Variants in BAZ2B observed in about 807,000 individuals in gnomAD.
BAZ2B encodes bromodomain adjacent to zinc finger domain protein 2B.
A neutral mutation model predicts 246.0 loss-of-function variants in BAZ2B; 91 were observed. The ratio of observed to expected loss-of-function variants is 0.37; its 90% CI spans 0.31 to 0.44. The LOEUF (loss-of-function observed/expected upper bound fraction) is 0.44. Among genes scored for constraint, BAZ2B ranks in the 20% least tolerant of loss-of-function variants. The probability of loss-of-function intolerance (pLI) is 1.00; values close to 1 mark genes in which losing one functional copy is unlikely to be tolerated. For synonymous variants in BAZ2B, 855 were observed against 860.0 expected, an observed-to-expected ratio of 0.99 and a Z score of 0.10; for missense variants, 2,332 against 2,533.7, an observed-to-expected ratio of 0.92 and a Z score of 1.71.
the BAZ2B span, among the ~76,000 whole-genome samples, chr2:159,678,479 A>G: frequency 6.6e-6 from 1 of 152,168 alleles, no homozygotes; most frequent in East Asian, 1.9e-4. Flanking sequence ...ACTTCATATC[A>G]TAGCACAGCA....
chr2:159,391,182 T>C (rs1458711336), intron 20 of BAZ2B, among the ~76,000 whole-genome samples: 1 of 152,168 alleles, frequency 6.6e-6, no homozygotes, highest in Non-Finnish European at 1.5e-5. Context: ...GAAAAAAGCA[T>C]ATTAAATATC....
At chr2:159,500,743 C>A (rs887192006) in intron 2 of BAZ2B, among the ~76,000 whole-genome samples, 1 of 152,126 alleles carries the variant, frequency 6.6e-6, no homozygotes, top group Non-Finnish European at 1.5e-5. Context: ...CACCTGAAGT[C>A]AGGAATTCGA....
rs547305366 is a variant in BAZ2B at position 159,335,787 on chromosome 2, T to G, written c.5796+1155A>C. Among the ~76,000 whole-genome samples the G allele has an allele frequency of 3.3e-5, 5 of 152,296 alleles. No homozygotes were observed. The South Asian group carries it at 1.0e-3, about 32-fold the overall frequency. On this transcript the variant is annotated intron_variant, in intron 33 of 36. Coordinates refer to ENST00000392783, the MANE Select transcript of BAZ2B (RefSeq NM_013450.4). ...ATTCTTTTCTTCAGGGAAACAACCA[T>G]TTTAAGTAAAGGAATTTCACCTTTA...
chr2:159,552,366 G>C (rs540802595), intron 2 of BAZ2B, among the ~76,000 whole-genome samples: 9 of 152,234 alleles, frequency 5.9e-5, no homozygotes, highest in African/African-American at 2.2e-4. Flanking sequence ...TGAATGTTTA[G>C]GATATATCAC....
the BAZ2B span, among the ~76,000 whole-genome samples, chr2:159,625,461 A>C: frequency 3.9e-5 from 6 of 152,374 alleles, no homozygotes; most frequent in East Asian, 1.2e-3. Context: ...GAAGCCCATC[A>C]GAGTAAGAGT....
chr2:159,594,308 A>G (rs1372585135), intron 1 of BAZ2B, among the ~76,000 whole-genome samples: 1 of 152,178 alleles, frequency 6.6e-6, no homozygotes, highest in East Asian at 1.9e-4. Context: ...TCCGGAGGCT[A>G]AGGCAGGAGA....
intron 31 of BAZ2B, among the ~76,000 whole-genome samples, chr2:159,343,388 T>C (rs1366957927): frequency 6.6e-6 from 1 of 151,676 alleles, no homozygotes; most frequent in African/African-American, 2.4e-5. Context: ...GAAGCAAAAA[T>C]AAACAAATGC....
At chr2:159,480,578 G>C (rs72947593) in intron 2 of BAZ2B, among the ~76,000 whole-genome samples, 25 of 151,736 alleles carry the variant, frequency 1.6e-4, no homozygotes, top group East Asian at 7.7e-4. Context: ...ATATGTGTGC[G>C]CGTGCACACA....
intron 21 of BAZ2B, among the ~76,000 whole-genome samples, chr2:159,388,447 G>A (rs1209561345): frequency 6.6e-6 from 1 of 152,110 alleles, no homozygotes; most frequent in East Asian, 1.9e-4. Context: ...CATATGAGGT[G>A]CTTTGGTTGG....
At chr2:159,506,486 G>T (rs2082339479) in intron 2 of BAZ2B, among the ~76,000 whole-genome samples, 1 of 152,172 alleles carries the variant, frequency 6.6e-6, no homozygotes, top group Admixed American at 6.5e-5. Flanking sequence ...AAATAGAAAA[G>T]CTTCCAGAAA....
At chr2:159,473,662 A>C (rs1394634995) in intron 3 of BAZ2B, among the ~76,000 whole-genome samples, 1 of 151,902 alleles carries the variant, frequency 6.6e-6, no homozygotes, top group Non-Finnish European at 1.5e-5. Context: ...TAGGGTGTTG[A>C]TTTTAGATCT....
intron 19 of BAZ2B, chr2:159,396,389 A>C (rs1212968875): frequency 6.6e-6 from 1 of 152,244 alleles, no homozygotes; most frequent in African/African-American, 2.4e-5. Context: ...ATACCAATTT[A>C]GTTAAACTAG....
intron 2 of BAZ2B, among the ~76,000 whole-genome samples, chr2:159,482,670 G>A (rs1345169086): frequency 2.0e-5 from 3 of 151,954 alleles, no homozygotes; most frequent in Non-Finnish European, 4.4e-5. Context: ...TAATTGTACC[G>A]ATATCAATGT....
intron 1 of BAZ2B, among the ~76,000 whole-genome samples, chr2:159,600,156 T>C (rs1691803433): frequency 6.6e-6 from 1 of 152,184 alleles, no homozygotes; most frequent in Admixed American, 6.5e-5. Flanking sequence ...GTGCATAGGC[T>C]CAAGGATACG....
chr2:159,565,061 G>A (rs1172428892), intron 1 of BAZ2B, among the ~76,000 whole-genome samples: 1 of 152,078 alleles, frequency 6.6e-6, no homozygotes, highest in African/African-American at 2.4e-5. Context: ...AGTAGAGACA[G>A]GGTTTCACCA....
rs375344828 is a variant in BAZ2B at position 159,382,422 on chromosome 2, T to C, written c.4005+137A>G. ...TTTATGGGATACAGATTGTAATATT[T>C]GTTTTTCAGATGAGGAAACTGAGGC... On this transcript the variant is annotated intron_variant, in intron 25 of 36. Coordinates refer to ENST00000392783, the MANE Select transcript of BAZ2B (RefSeq NM_013450.4). 1.0e-3 allele frequency: 911 copies of C among 913,976 alleles called. 6 individuals are homozygous for C. The African/African-American group carries it at 0.014, about 14-fold the overall frequency. The allele number at this position is 913,976 out of a possible 1,614,324, so 56.6% of individuals were successfully genotyped here.
At chr2:159,701,783 C>T in the BAZ2B span, among the ~76,000 whole-genome samples, 1 of 150,994 alleles carries the variant, frequency 6.6e-6, no homozygotes, top group Non-Finnish European at 1.5e-5. Flanking sequence ...GGATGGAGTG[C>T]AGTGGCATGA....
intron 34 of BAZ2B, among the ~76,000 whole-genome samples, chr2:159,328,882 C>G (rs2064186834): frequency 2.0e-5 from 3 of 152,090 alleles, no homozygotes; most frequent in African/African-American, 7.2e-5. Context: ...AATCCCAGCA[C>G]TTTGGGAGGC....
intron 27 of BAZ2B, among the ~76,000 whole-genome samples, chr2:159,364,554 G>C (rs916074845): frequency 7.2e-5 from 11 of 152,112 alleles, no homozygotes; most frequent in African/African-American, 2.4e-4. Flanking sequence ...TTTTTCTGTA[G>C]AGATGGGGTT....
Sources: gnomAD v4.1 joint callset for allele counts (sites outside exome capture counted in the v4.1 genomes callset) on GRCh38, gnomAD v4.1.1 for gene constraint, MANE v1.5 for transcripts, NCBI Gene and HGNC (gene_info 2026-07-23, HGNC 2026-07-21) for gene names.